Variants in ARL5C observed in about 807,000 individuals in gnomAD.
ARL5C encodes the protein ARF like GTPase 5C.
Under a neutral mutation model 20.8 loss-of-function variants are expected in ARL5C, and 21 were observed. The observed-to-expected ratio is 1.01, with a 90% CI of 0.72 to 1.46. The LOEUF (loss-of-function observed/expected upper bound fraction) is 1.46. Ranked by LOEUF, ARL5C falls within the 40% of genes most tolerant of loss-of-function variation. ARL5C has a pLI of 0.00. For synonymous variants in ARL5C, 71 were observed against 81.6 expected (o/e 0.87, Z 0.70); for missense variants, 199 against 225.1 (o/e 0.88, Z 0.74).
chr17:39,159,020 TTG>T (rs1362422601), intron 5 of ARL5C, among the ~76,000 whole-genome samples: 2,540 of 104,532 alleles, frequency 0.024, 149 homozygotes, highest in African/African-American at 0.051. Context: ...CATTTATCAC[TTG>T]TTTTTTTTTT....
Position 39,163,886 on chromosome 17 carries a change from T to C in ARL5C, c.108-1028A>G, listed in dbSNP as rs1037501239. On this transcript the variant is annotated intron_variant, in intron 2 of 5. Transcript: ENST00000269586. ...TTCAAGTGATTCTCCTTCCTCAGCC[T>C]CCAGAGTAGGTGGGATTACAGGCAT... is the stretch of plus-strand genomic sequence containing the variant. Among the ~76,000 whole-genome samples the C allele has an allele frequency of 2.0e-4, 30 of 151,686 alleles. 1 individual carries two copies. Among genetic ancestry groups the C allele is most frequent in the African/African-American group, 6.6e-4 (27 of 41,102 alleles).
chr17:39,159,580 A>T (rs1177928738), intron 5 of ARL5C, among the ~76,000 whole-genome samples: 1 of 152,094 alleles, frequency 6.6e-6, no homozygotes, highest in Non-Finnish European at 1.5e-5. Flanking sequence ...TACAGGCATG[A>T]GCCACCGCGC....
At chr17:39,161,658 C>T (rs1215796695) in intron 3 of ARL5C, among the ~76,000 whole-genome samples, 1 of 151,964 alleles carries the variant, frequency 6.6e-6, no homozygotes, top group African/African-American at 2.4e-5. Context: ...GGATTACAGG[C>T]GCGTGCCACC....
chr17:39,157,550 G>A (rs1358738537), intron 5 of ARL5C, among the ~76,000 whole-genome samples: 1 of 152,182 alleles, frequency 6.6e-6, no homozygotes, highest in Non-Finnish European at 1.5e-5. Context: ...AGCACTTAGG[G>A]AGGCGGAGGC....
At chr17:39,165,200 C>A in intron 1 of ARL5C, 61 bp from the exon 2 acceptor site, 2 of 1,503,368 alleles carry the variant, frequency 1.3e-6, no homozygotes, top group South Asian at 1.2e-5. Context: ...GGACTGTGTG[C>A]CCCCACCAGA....
intron 2 of ARL5C, among the ~76,000 whole-genome samples, chr17:39,164,780 G>C (rs2045454208): frequency 2.6e-5 from 4 of 152,198 alleles, no homozygotes; most frequent in Admixed American, 2.6e-4. Context: ...CCTGCCGCTA[G>C]AGGGAGCGAA....
chr17:39,157,195 G>A (rs1436390015), intron 5 of ARL5C, among the ~76,000 whole-genome samples: 1 of 152,154 alleles, frequency 6.6e-6, no homozygotes, highest in Non-Finnish European at 1.5e-5. Context: ...TAAATAAATG[G>A]TCAGACACAT....
chr17:39,156,781 C>T (rs900836024), downstream of ARL5C: 9 of 1,249,782 alleles, frequency 7.2e-6, no homozygotes, highest in Admixed American at 1.1e-4. Context: ...CTGTCCATAG[C>T]AGCCACTGCT....
At position 39,158,722 on chromosome 17, in the gene ARL5C, G is replaced by A. The variant is rs2045419128; in HGVS notation, c.492-1780C>T. ...CCTGATGTAAGGCCCTTTCTACGTG[G>A]CCCAGCTCCTTAAAATCCTCCAGGT... On this transcript the variant is annotated intron_variant, in intron 5 of 5. Transcript: ENST00000269586. Among the ~76,000 whole-genome samples, 5 of 151,970 alleles carry A rather than the reference G, an allele frequency of 3.3e-5. No homozygotes were observed. In the South Asian group the frequency reaches 1.0e-3, roughly 32 times the overall value.
chr17:39,158,493 G>A (rs928517626), intron 5 of ARL5C, among the ~76,000 whole-genome samples: 4 of 151,774 alleles, frequency 2.6e-5, no homozygotes, highest in African/African-American at 9.7e-5. Flanking sequence ...TGCGCCTGTA[G>A]TCCCAGCTAC....
Position 39,165,266 on chromosome 17 carries a change from C to G in ARL5C, c.47-127G>C, listed in dbSNP as rs1246450463. The G allele has an allele frequency of 2.1e-5, 19 of 917,794 alleles. No homozygotes were observed. The East Asian group carries it at 2.1e-4, about 10-fold the overall frequency. The allele number at this position is 917,794 out of a possible 1,614,324, so 56.9% of individuals were successfully genotyped here. A position where few individuals can be genotyped will look rare whatever the true frequency, so the allele number is the denominator to read the frequency against. On this transcript the variant is annotated intron_variant, in intron 1 of 5. Transcript: ENST00000269586. ...GGCTGGGGACCTCTGCCCACCGTAC[C>G]GCGTCTGCTTCCCACCCAGCTCCGA...
chr17:39,160,974 C>T (rs1027578377), intron 4 of ARL5C, among the ~76,000 whole-genome samples: 1 of 152,232 alleles, frequency 6.6e-6, no homozygotes, highest in African/African-American at 2.4e-5. Flanking sequence ...TGATGATCCT[C>T]CTCATTTTAT....
chr17:39,165,043 C>T, intron 2 of ARL5C, 36 bp downstream of exon 2: 1 of 1,545,842 alleles, frequency 6.5e-7, no homozygotes, highest in Non-Finnish European at 8.8e-7. Flanking sequence ...GGTGGGAGGC[C>T]CAGCTCTCTA....
In ARL5C at chr17:39,157,322, GC is replaced by G. The variant is rs1401518068; in HGVS notation, c.492-381del. Reference sequence around the variant, plus strand: ...GAGACTCACCTTGCTGGGCCCCTTAGCTGTGTCTCTGGGCAAGGATTCTTCA... The same window carrying G: ...GAGACTCACCTTGCTGGGCCCCTTAGTGTGTCTCTGGGCAAGGATTCTTCA... On this transcript the variant is annotated intron_variant, in intron 5 of 5. Coordinates refer to ENST00000269586, the MANE Select transcript of ARL5C (RefSeq NM_001143968.1). 2.0e-5 allele frequency among the ~76,000 whole-genome samples: 3 copies of G among 152,204 alleles called. No individual in the cohort carries two copies. The East Asian group carries it at 5.8e-4, about 29-fold the overall frequency.
intron 5 of ARL5C, among the ~76,000 whole-genome samples, chr17:39,159,492 C>T (rs939378471): frequency 1.7e-4 from 26 of 151,812 alleles, no homozygotes; most frequent in African/African-American, 6.3e-4. Flanking sequence ...AGACGGGGTT[C>T]CTCCATGTTG....
chr17:39,160,956 G>C (rs1178302594), intron 4 of ARL5C, among the ~76,000 whole-genome samples: 1 of 152,228 alleles, frequency 6.6e-6, no homozygotes, highest in Non-Finnish European at 1.5e-5. Flanking sequence ...AATCCCATAG[G>C]TGGGAATTGA....
chr17:39,164,492 T>C (rs574567235), intron 2 of ARL5C, among the ~76,000 whole-genome samples: 2 of 152,312 alleles, frequency 1.3e-5, no homozygotes, highest in South Asian at 2.1e-4. Context: ...TATTCCTCCA[T>C]TGTTTGAAAT....
At chr17:39,163,355 T>C (rs999552864) in intron 2 of ARL5C, among the ~76,000 whole-genome samples, 1 of 113,702 alleles carries the variant, frequency 8.8e-6, no homozygotes, top group Non-Finnish European at 1.6e-5. Context: ...CCTTTCTTTC[T>C]TTCTTTCTTT....
At chr17:39,164,998 G>C (rs558369563) in intron 2 of ARL5C, 81 bp downstream of exon 2, 1 of 1,436,358 alleles carries the variant, frequency 7.0e-7, no homozygotes, top group Non-Finnish European at 9.6e-7. Flanking sequence ...ACCCAGGGAA[G>C]AGCTCCAGTG....
Sources: gnomAD v4.1 joint callset for allele counts (sites outside exome capture counted in the v4.1 genomes callset) on GRCh38, gnomAD v4.1.1 for gene constraint, MANE v1.5 for transcripts, NCBI Gene and HGNC (gene_info 2026-07-23, HGNC 2026-07-21) for gene names.